Variants in NUBPL observed in about 807,000 individuals in gnomAD.
The protein encoded by NUBPL is iron-sulfur cluster transfer protein NUBPL.
NUBPL carries 31 observed loss-of-function variants against 45.7 expected under a neutral mutation model. The ratio of observed to expected loss-of-function variants is 0.68; its 90% CI spans 0.51 to 0.92. The LOEUF is 0.92. Among genes scored for constraint, NUBPL ranks in the 40% least tolerant of loss-of-function variants. The pLI is 0.00. For synonymous variants in NUBPL, 144 were observed against 140.9 expected (o/e 1.02, Z -0.15); for missense variants, 401 against 398.7 (o/e 1.01, Z -0.05).
intron 6 of NUBPL, among the ~76,000 whole-genome samples, chr14:31,679,520 C>T (rs576841237): frequency 2.6e-5 from 4 of 152,134 alleles, no homozygotes; most frequent in Non-Finnish European, 5.9e-5. Context: ...GTTTGAAAGA[C>T]TTCCCTTTCC....
chr14:31,564,131 T>C (rs536592729), intron 2 of NUBPL, among the ~76,000 whole-genome samples: 2 of 152,332 alleles, frequency 1.3e-5, no homozygotes. Flanking sequence ...ATTCACATTA[T>C]GAGCGCCTAT....
chr14:31,587,200 T>A (rs185234744), intron 3 of NUBPL, among the ~76,000 whole-genome samples: 3 of 152,324 alleles, frequency 2.0e-5, no homozygotes, highest in Non-Finnish European at 2.9e-5. Flanking sequence ...GTGGTTCTGA[T>A]ACACGTCTAG....
intron 6 of NUBPL, chr14:31,771,799 C>G: frequency 1.1e-6 from 1 of 887,046 alleles, no homozygotes; most frequent in Non-Finnish European, 1.4e-6. Flanking sequence ...TATTACCCCA[C>G]TTCTTCCATT....
At chr14:31,760,144 T>TGTGTGTGAGAGAGAGAGAGAGAGAGA in intron 6 of NUBPL, among the ~76,000 whole-genome samples, 2 of 34,842 alleles carry the variant, frequency 5.7e-5, no homozygotes, top group African/African-American at 1.1e-4. Context: ...TGTGTGTGTG[T>TGTGTGTGAGAGAGAGAGAGAGAGAGA]GAGAGAGAGA....
At chr14:31,747,119 G>T (rs2038416686) in intron 6 of NUBPL, among the ~76,000 whole-genome samples, 1 of 143,742 alleles carries the variant, frequency 7.0e-6, no homozygotes. Context: ...CAGCAGTAAA[G>T]CGATTCAGTC....
chr14:31,678,416 G>A (rs1420471760), intron 6 of NUBPL, among the ~76,000 whole-genome samples: 1 of 152,226 alleles, frequency 6.6e-6, no homozygotes. Context: ...CCTTAAGCCA[G>A]CACATCTCAG....
In NUBPL at chr14:31,707,890, G is replaced by A. The variant is rs113859611; in HGVS notation, c.513+34316G>A. On this transcript the variant is annotated intron_variant, in intron 6 of 10. Transcript: ENST00000281081. ...GAGAAGTAACCTAGATCTTGGGCCAGTGCCTGACCAAACAGATGAGGGCTA... is the reference window on the plus strand; with the variant it reads ...GAGAAGTAACCTAGATCTTGGGCCAATGCCTGACCAAACAGATGAGGGCTA... 6.6e-4 allele frequency among the ~76,000 whole-genome samples: 100 copies of A among 152,320 alleles called. 1 individual carries two copies. The highest frequency in any genetic ancestry group is 2.1e-3 in the African/African-American group (88 of 41,566).
At chr14:31,726,261 A>C (rs1180032725) in intron 6 of NUBPL, among the ~76,000 whole-genome samples, 2 of 152,176 alleles carry the variant, frequency 1.3e-5, no homozygotes, top group African/African-American at 4.8e-5. Flanking sequence ...AAGCACCGAT[A>C]GAATTATTTT....
chr14:31,717,854 G>A (rs1230948979), intron 6 of NUBPL, among the ~76,000 whole-genome samples: 1 of 152,054 alleles, frequency 6.6e-6, no homozygotes, highest in African/African-American at 2.4e-5. Context: ...TCTTCTCTTG[G>A]CTGCCTCTCA....
At chr14:31,758,986 G>A (rs554974750) in intron 6 of NUBPL, among the ~76,000 whole-genome samples, 3 of 152,022 alleles carry the variant, frequency 2.0e-5, no homozygotes, top group African/African-American at 4.8e-5. Flanking sequence ...CCAGGTGGAC[G>A]GTTCCTCTTA....
intron 6 of NUBPL, chr14:31,703,184 A>G (rs1168865571): frequency 6.6e-6 from 1 of 152,290 alleles, no homozygotes. Context: ...GAAGAGAGCC[A>G]AGTGAGCAAC....
chr14:31,590,841 GACTTT>G (rs2034122492), intron 3 of NUBPL, among the ~76,000 whole-genome samples: 1 of 152,034 alleles, frequency 6.6e-6, no homozygotes, highest in Non-Finnish European at 1.5e-5. Flanking sequence ...TGTATTTGAA[GACTTT>G]ACTTACTAAG....
At chr14:31,619,431 C>G (rs1422034651) in intron 4 of NUBPL, among the ~76,000 whole-genome samples, 1 of 152,204 alleles carries the variant, frequency 6.6e-6, no homozygotes, top group Non-Finnish European at 1.5e-5. Flanking sequence ...ACCAGTGATT[C>G]CTTTCCACGT....
At position 31,686,111 on chromosome 14, in the gene NUBPL, C is replaced by T. The variant is rs2139846587; in HGVS notation, c.513+12537C>T. On this transcript the variant is annotated intron_variant, in intron 6 of 10. Coordinates refer to ENST00000281081, the MANE Select transcript of NUBPL (RefSeq NM_025152.3). ...ACCCCTGTGTAGCAGCAAAGGCCTA[C>T]TGGATGCTGAATATCAAAATTTTTA... 1.3e-5 allele frequency among the ~76,000 whole-genome samples: 2 copies of T among 152,280 alleles called. 1 individual carries two copies. Among genetic ancestry groups the T allele is most frequent in the South Asian group, 4.1e-4 (2 of 4,826 alleles).
chr14:31,565,994 G>A (rs1002153166), intron 3 of NUBPL, among the ~76,000 whole-genome samples: 12 of 152,010 alleles, frequency 7.9e-5, no homozygotes, highest in African/African-American at 2.9e-4. Context: ...TAAATTATCA[G>A]CTACTAAATG....
intron 4 of NUBPL, among the ~76,000 whole-genome samples, chr14:31,623,253 A>G (rs1254823038): frequency 3.3e-5 from 5 of 152,208 alleles, no homozygotes; most frequent in African/African-American, 1.2e-4. Flanking sequence ...CCCCCATTGT[A>G]TCTTGCAAGT....
intron 8 of NUBPL, among the ~76,000 whole-genome samples, chr14:31,828,740 A>G (rs1363552432): frequency 6.6e-6 from 1 of 152,172 alleles, no homozygotes; most frequent in East Asian, 1.9e-4. Context: ...AATTCAGCAT[A>G]TATTATTTTT....
intron 4 of NUBPL, among the ~76,000 whole-genome samples, chr14:31,619,736 C>G (rs2035008720): frequency 1.3e-5 from 2 of 152,058 alleles, no homozygotes; most frequent in Non-Finnish European, 1.5e-5. Context: ...TTATTTCAAC[C>G]TTGGTGAATC....
At chr14:31,851,627 T>G (rs1024367844) in intron 10 of NUBPL, among the ~76,000 whole-genome samples, 2 of 152,162 alleles carry the variant, frequency 1.3e-5, no homozygotes, top group Non-Finnish European at 2.9e-5. Flanking sequence ...TTCTCAACAA[T>G]TTTTCAGCTA....
Sources: allele counts gnomAD v4.1 joint callset (sites outside exome capture counted in the v4.1 genomes callset), GRCh38; gene constraint gnomAD v4.1.1; transcripts MANE v1.5; gene names NCBI Gene and HGNC (gene_info 2026-07-23, HGNC 2026-07-21).